Variants in PDE8B observed in about 807,000 individuals in gnomAD.
PDE8B encodes the protein high affinity cAMP-specific and IBMX-insensitive 3',5'-cyclic phosphodiesterase 8B.
A neutral mutation model predicts 101.3 loss-of-function variants in PDE8B; 26 were observed. That is an observed-to-expected ratio of 0.26 (90% confidence interval 0.19 to 0.36). PDE8B has a LOEUF of 0.36. Ranked by LOEUF, PDE8B falls within the 10% of genes least tolerant of loss-of-function variation. The pLI is 1.00. For synonymous variants in PDE8B, 424 were observed against 429.3 expected (o/e 0.99, Z 0.15); for missense variants, 810 against 1,163.1 (o/e 0.70, Z 4.42).
At chr5:77,285,708 C>T in intron 1 of PDE8B, among the ~76,000 whole-genome samples, 1 of 152,230 alleles carries the variant, frequency 6.6e-6, no homozygotes, top group East Asian at 1.9e-4. Context: ...CTTTTCTCCA[C>T]CTGGGACTTC....
At chr5:77,103,877 G>A in the PDE8B span, among the ~76,000 whole-genome samples, 1 of 152,164 alleles carries the variant, frequency 6.6e-6, no homozygotes, top group Non-Finnish European at 1.5e-5. Context: ...TACACTTAGA[G>A]TTATGATAAA....
At chr5:77,232,147 G>C (rs1753703990) in intron 1 of PDE8B, among the ~76,000 whole-genome samples, 2 of 152,168 alleles carry the variant, frequency 1.3e-5, no homozygotes, top group African/African-American at 4.8e-5. Flanking sequence ...GGAGAACTTT[G>C]AGAAATTTTG....
the PDE8B span, among the ~76,000 whole-genome samples, chr5:77,128,028 G>C: frequency 6.6e-6 from 1 of 152,170 alleles, no homozygotes; most frequent in African/African-American, 2.4e-5. Flanking sequence ...GTGGGCTTGA[G>C]TTGATAGTTG....
At chr5:77,222,590 A>G (rs1751374184) in intron 1 of PDE8B, among the ~76,000 whole-genome samples, 2 of 152,140 alleles carry the variant, frequency 1.3e-5, no homozygotes, top group South Asian at 4.2e-4. Flanking sequence ...ATCTCAAAAA[A>G]CAGAATATGA....
Position 77,426,543 on chromosome 5 carries a change from T to C in PDE8B, c.2647T>C (p.Ser883Pro), listed in dbSNP as rs1439373884. The change falls in exon 22 of 22, where the codon TCT becomes CCT. Residue 883 changes from serine (S) to proline (P), a missense_variant. By Grantham distance (74) the Ser-to-Pro change is moderately conservative (BLOSUM62 -1). This residue lies in a region of PDE8B where 325 missense variants were observed against 560.9 expected (regional missense o/e 0.58). Coordinates refer to ENST00000264917, the MANE Select transcript of PDE8B (RefSeq NM_003719.5). ...AAAGTGCAAAAGTTTGAGGCTTCCA[T>C]CTGACAGCTAAAGCCAAGCCACAGA... ...DLKCKSLRLP[S>P]DS is the part of the protein sequence containing the mutation. 1 of 1,600,676 alleles carries C rather than the reference T, an allele frequency of 6.2e-7. No individual in the cohort carries two copies. Among genetic ancestry groups the C allele is most frequent in the Non-Finnish European group, 8.6e-7 (1 of 1,167,920 alleles).
rs532867721 is a variant in PDE8B, at chr5:77,353,328, C to T, written c.1107-18C>T. On this transcript the variant is annotated intron_variant, in intron 9 of 21. Coordinates refer to ENST00000264917, the MANE Select transcript of PDE8B (RefSeq NM_003719.5). ...CATCTCATATCTGACTCACTAATAA[C>T]TGATTATTTGTTATTAGGAAAATTA... 70 of 1,401,254 alleles carry T rather than the reference C, an allele frequency of 5.0e-5. 1 individual carries two copies. In the South Asian group the frequency reaches 7.3e-4, roughly 15 times the overall value. 86.8% of individuals were successfully genotyped at this position (1,401,254 alleles called of 1,614,324 possible). A position where few individuals can be genotyped will look rare whatever the true frequency, so the allele number is the denominator to read the frequency against.
At position 77,211,334 on chromosome 5, in the gene PDE8B, G is replaced by A. The variant is rs1165334157; in HGVS notation, c.339+70G>A. On this transcript the variant is annotated intron_variant, in intron 1 of 21. Coordinates refer to ENST00000264917, the MANE Select transcript of PDE8B (RefSeq NM_003719.5). This position sits in a 1 kb window ranked among gnomAD's most constrained non-coding sequence, Gnocchi z 4.1. ...GTCGGCGGGGCTCGCACGGGTAGGG[G>A]GCTCCGGCGGAGTTGGGTGACCGTG... is the stretch of plus-strand genomic sequence containing the variant. 2.1e-6 allele frequency: 3 copies of A among 1,431,902 alleles called. No homozygotes were observed. The highest frequency in any genetic ancestry group is 2.8e-6 in the Non-Finnish European group (3 of 1,072,174). 88.7% of individuals were successfully genotyped at this position (1,431,902 alleles called of 1,614,324 possible).
intron 2 of PDE8B, among the ~76,000 whole-genome samples, chr5:77,314,323 C>A (rs1022552850): frequency 6.6e-6 from 1 of 151,970 alleles, no homozygotes; most frequent in African/African-American, 2.4e-5. Flanking sequence ...AAGTGTAAGT[C>A]CTCCAACTTA....
At chr5:77,185,840 A>G in the PDE8B span, among the ~76,000 whole-genome samples, 5 of 152,260 alleles carry the variant, frequency 3.3e-5, no homozygotes, top group African/African-American at 1.2e-4. Context: ...GATGGCATTG[A>G]CTGTAATGTG....
intron 1 of PDE8B, among the ~76,000 whole-genome samples, chr5:77,263,658 T>C (rs1186927624): frequency 2.0e-5 from 3 of 152,196 alleles, no homozygotes; most frequent in Non-Finnish European, 4.4e-5. Context: ...GCTAAAGGTT[T>C]CCAAGACCCC....
intron 17 of PDE8B, among the ~76,000 whole-genome samples, chr5:77,414,018 C>G (rs1056440363): frequency 3.9e-5 from 6 of 152,160 alleles, no homozygotes; most frequent in South Asian, 2.1e-4. Flanking sequence ...AGAACTAAAA[C>G]TTAAATTTTA....
At chr5:77,424,970 A>G (rs335638) in intron 20 of PDE8B, among the ~76,000 whole-genome samples, 24,145 of 152,136 alleles carry the variant, frequency 0.16, 1,968 homozygotes, top group South Asian at 0.27. Context: ...GATTACAGGC[A>G]TGAGCCATTG....
chr5:77,163,608 A>G, the PDE8B span, among the ~76,000 whole-genome samples: 2 of 152,220 alleles, frequency 1.3e-5, no homozygotes, highest in African/African-American at 2.4e-5. Context: ...TTACAGGGAT[A>G]TAATAAGGAG....
At chr5:77,201,462 G>A in the PDE8B span, among the ~76,000 whole-genome samples, 1 of 151,942 alleles carries the variant, frequency 6.6e-6, no homozygotes, top group African/African-American at 2.4e-5. Flanking sequence ...TTCTAATCAT[G>A]TTCTGGGGAG....
At chr5:77,230,293 G>T (rs1753307445) in intron 1 of PDE8B, among the ~76,000 whole-genome samples, 1 of 152,068 alleles carries the variant, frequency 6.6e-6, no homozygotes, top group African/African-American at 2.4e-5. Flanking sequence ...AACTATATTG[G>T]TATTCCTTGT....
At chr5:77,279,491 C>G (rs1313549498) in intron 1 of PDE8B, among the ~76,000 whole-genome samples, 3 of 152,210 alleles carry the variant, frequency 2.0e-5, no homozygotes, top group African/African-American at 7.2e-5. Context: ...TTCCTTCACC[C>G]TTTAGCTGTG....
At chr5:77,279,938 A>G (rs1027948305) in intron 1 of PDE8B, among the ~76,000 whole-genome samples, 26 of 152,196 alleles carry the variant, frequency 1.7e-4, no homozygotes, top group African/African-American at 5.8e-4. Context: ...TCCAGCCTAG[A>G]CAGTCATCTT....
intron 10 of PDE8B, among the ~76,000 whole-genome samples, chr5:77,394,468 A>G (rs1790596881): frequency 6.6e-6 from 1 of 152,132 alleles, no homozygotes; most frequent in Admixed American, 6.5e-5. Context: ...CATTACCCCC[A>G]TATGCCCTAG....
intron 1 of PDE8B, among the ~76,000 whole-genome samples, chr5:77,273,466 G>A (rs1763184766): frequency 6.6e-6 from 1 of 152,236 alleles, no homozygotes; most frequent in African/African-American, 2.4e-5. Context: ...TTATGAACTA[G>A]CAATCGCCCT....
Sources: gnomAD v4.1 joint callset for allele counts (sites outside exome capture counted in the v4.1 genomes callset) on GRCh38, gnomAD v4.1.1 for gene constraint, gnomAD v4.1.1 regional missense constraint, Gnocchi (gnomAD v3.1) non-coding constraint, MANE v1.5 for transcripts, NCBI Gene and HGNC (gene_info 2026-07-23, HGNC 2026-07-21) for gene names.